SLC25A36: variants seen among roughly 807,000 people sequenced by gnomAD.
The protein encoded by SLC25A36 is epididymis secretory sperm binding protein.
A neutral mutation model predicts 35.3 loss-of-function variants in SLC25A36; 24 were observed. That is an observed-to-expected ratio of 0.68 (90% confidence interval 0.49 to 0.96). The LOEUF (loss-of-function observed/expected upper bound fraction) is 0.96, where lower values mean the gene tolerates loss of function less well. Ranked by LOEUF, SLC25A36 falls within the 40% of genes least tolerant of loss-of-function variation. The probability of loss-of-function intolerance (pLI) is 0.00; values close to 1 mark genes in which losing one functional copy is unlikely to be tolerated. For missense variants in SLC25A36, 294 were observed against 381.1 expected (o/e 0.77, Z 1.90); for synonymous variants, 141 against 132.2 (o/e 1.07, Z -0.46).
At chr3:140,955,003 C>A (rs575582907) in intron 1 of SLC25A36, among the ~76,000 whole-genome samples, 12 of 151,870 alleles carry the variant, frequency 7.9e-5, no homozygotes, top group Non-Finnish European at 1.0e-4. Context: ...TGATCCATTT[C>A]GAGTTAATTT....
chr3:140,966,389 A>G (rs921980678), intron 4 of SLC25A36: 2 of 320,830 alleles, frequency 6.2e-6, no homozygotes, highest in Non-Finnish European at 1.3e-5. Flanking sequence ...AATATTTCAT[A>G]AGTATGGATG....
chr3:140,945,156 C>CT (rs1491443764), intron 1 of SLC25A36, among the ~76,000 whole-genome samples: 5 of 152,142 alleles, frequency 3.3e-5, no homozygotes, highest in African/African-American at 7.2e-5. Context: ...ATAGAAGATA[C>CT]TCTCTTGCTG....
intron 5 of SLC25A36, among the ~76,000 whole-genome samples, chr3:140,971,991 GAAACTTGAAA>G (rs1263438716): frequency 2.0e-5 from 3 of 152,156 alleles, no homozygotes; most frequent in Non-Finnish European, 4.4e-5. Flanking sequence ...ATACTATTTG[GAAACTTGAAA>G]AGAAATATCT....
At chr3:140,950,001 T>C (rs962465911) in intron 1 of SLC25A36, among the ~76,000 whole-genome samples, 2 of 151,814 alleles carry the variant, frequency 1.3e-5, no homozygotes, top group African/African-American at 2.4e-5. Flanking sequence ...TTTTTCTTGG[T>C]TTTCAAATTA....
chr3:140,941,864 G>A lies in SLC25A36; in HGVS notation c.-191G>A, dbSNP rs907821214. 4.0e-6 allele frequency: 2 copies of A among 503,452 alleles called. No individual in the cohort carries two copies. Among genetic ancestry groups the A allele is most frequent in the Non-Finnish European group, 7.1e-6 (2 of 280,588 alleles). 31.2% of individuals were successfully genotyped at this position (503,452 alleles called of 1,614,324 possible). On this transcript the variant is annotated 5_prime_UTR_variant, in exon 1 of 7. Transcript: ENST00000324194. ...CTCTGGTGAAGGGCGGCGCGCTTAG[G>A]CAGGCGGTGGCGCGGCTGGAGTGCC...
intron 3 of SLC25A36, among the ~76,000 whole-genome samples, chr3:140,961,229 TC>T (rs1229750820): frequency 6.6e-6 from 1 of 152,154 alleles, no homozygotes; most frequent in African/African-American, 2.4e-5. Flanking sequence ...TGTATATTCT[TC>T]CAGTAATTTT....
intron 5 of SLC25A36, among the ~76,000 whole-genome samples, chr3:140,972,429 G>A (rs1934928895): frequency 1.3e-5 from 2 of 151,938 alleles, no homozygotes; most frequent in South Asian, 2.1e-4. Flanking sequence ...GAGAGGCCAG[G>A]GCAGGAGGAT....
Position 140,956,627 on chromosome 3 carries a change from C to T in SLC25A36, c.142C>T (p.Leu48=), listed in dbSNP as rs74682201. The change falls in exon 2 of 7, where the codon CTG becomes TTG. Residue 48 remains leucine, a synonymous_variant. Coordinates refer to ENST00000324194, the MANE Select transcript of SLC25A36 (RefSeq NM_001104647.3). ...GACGCTTTATATTTCTGAAGTTCAG[C>T]TGAACACCATGGCTGGAGCCAGTGT... is the stretch of plus-strand genomic sequence containing the variant. ...SVTLYISEVQ[L]NTMAGASVNR... 1,452 of 1,613,726 alleles carry T rather than the reference C, an allele frequency of 9.0e-4. 16 individuals are homozygous for T. In the East Asian group the frequency reaches 0.015, roughly 16 times the overall value.
intron 1 of SLC25A36, among the ~76,000 whole-genome samples, chr3:140,954,406 C>T (rs1934422056): frequency 6.6e-6 from 1 of 152,156 alleles, no homozygotes; most frequent in Non-Finnish European, 1.5e-5. Context: ...GGGTCAGTAC[C>T]TACAAGTGAG....
At position 140,978,524 on chromosome 3, in the gene SLC25A36, A is replaced by G. The variant is rs1935110659; in HGVS notation, c.*2071A>G. 6.6e-6 allele frequency: 1 copy of G among 152,224 alleles called. No homozygotes were observed. The highest frequency in any genetic ancestry group is 6.5e-5 in the Admixed American group (1 of 15,278). The allele number at this position is 152,224 out of a possible 1,614,324, so 9.4% of individuals were successfully genotyped here. A position where few individuals can be genotyped will look rare whatever the true frequency, so the allele number is the denominator to read the frequency against. On this transcript the variant is annotated 3_prime_UTR_variant, in exon 7 of 7. Coordinates refer to ENST00000324194, the MANE Select transcript of SLC25A36 (RefSeq NM_001104647.3). ...AATGATTAAGAATGATATGAAAACC[A>G]GCAGCTAAGGAACATCTTATTATTT...
chr3:140,975,097 C>CTTTTTAT (rs1935004764), intron 6 of SLC25A36, among the ~76,000 whole-genome samples: 1 of 55,188 alleles, frequency 1.8e-5, no homozygotes, highest in African/African-American at 6.5e-5. Context: ...AAGATACATT[C>CTTTTTAT]TTTTTTTTTT....
intron 4 of SLC25A36, among the ~76,000 whole-genome samples, chr3:140,969,551 A>T (rs905767327): frequency 1.3e-5 from 2 of 151,878 alleles, no homozygotes; most frequent in African/African-American, 4.8e-5. Context: ...TAATTGGAGC[A>T]TCCATTTGTA....
intron 1 of SLC25A36, among the ~76,000 whole-genome samples, chr3:140,943,908 T>C (rs1422122883): frequency 3.3e-5 from 5 of 152,202 alleles, no homozygotes; most frequent in African/African-American, 1.2e-4. Context: ...AGAACAGGAA[T>C]GGGAGGTGTT....
In SLC25A36 at chr3:140,963,243, A is replaced by T; in HGVS notation, c.385+16A>T. The T allele has an allele frequency of 7.0e-7, 1 of 1,421,816 alleles. No homozygotes were observed. 88.1% of individuals were successfully genotyped at this position (1,421,816 alleles called of 1,614,324 possible). On this transcript the variant is annotated intron_variant, in intron 4 of 6. Coordinates refer to ENST00000324194, the MANE Select transcript of SLC25A36 (RefSeq NM_001104647.3). ...GCAATGGCAGGTATGAATGTATAATATTAAAAAAAAAAAAAACTTTCTGAA... is the reference window on the plus strand; with the variant it reads ...GCAATGGCAGGTATGAATGTATAATTTTAAAAAAAAAAAAAACTTTCTGAA...
chr3:140,971,493 A>G (rs188078496), intron 5 of SLC25A36, among the ~76,000 whole-genome samples: 12 of 152,330 alleles, frequency 7.9e-5, no homozygotes, highest in Non-Finnish European at 1.8e-4. Context: ...CATTCATTCA[A>G]CAAATCTATA....
At chr3:140,976,216 G>A (rs781023634) in intron 6 of SLC25A36, 44 bp from the exon 7 acceptor site, 16 of 1,283,082 alleles carry the variant, frequency 1.2e-5, no homozygotes, top group Middle Eastern at 2.4e-4. Flanking sequence ...TTAGAAGAGT[G>A]TAAAGATATC....
chr3:140,946,461 CTGCTAGACTA>C lies in SLC25A36; in HGVS notation c.41+4370_41+4379del, dbSNP rs562575251. 3.7e-3 allele frequency among the ~76,000 whole-genome samples: 569 copies of C among 152,274 alleles called. 5 individuals carry two copies. The highest frequency in any genetic ancestry group is 0.013 in the African/African-American group (545 of 41,546). On this transcript the variant is annotated intron_variant, in intron 1 of 6. Coordinates refer to ENST00000324194, the MANE Select transcript of SLC25A36 (RefSeq NM_001104647.3). ...AGAATTTTTAAAGGCTAATTGGTCT[CTGCTAGACTA>C]TGCGTGGGACAGGGGCAGAAGTAGG...
chr3:140,963,241 A>T lies in SLC25A36; in HGVS notation c.385+14A>T. Reference sequence around the variant, plus strand: ...CTGCAATGGCAGGTATGAATGTATAATATTAAAAAAAAAAAAAACTTTCTG... The same window carrying T: ...CTGCAATGGCAGGTATGAATGTATATTATTAAAAAAAAAAAAAACTTTCTG... On this transcript the variant is annotated intron_variant, in intron 4 of 6. Coordinates refer to ENST00000324194, the MANE Select transcript of SLC25A36 (RefSeq NM_001104647.3). The T allele has an allele frequency of 4.7e-6, 7 of 1,475,006 alleles. No individual in the cohort carries two copies. Among genetic ancestry groups the T allele is most frequent in the Non-Finnish European group, 6.4e-6 (7 of 1,094,336 alleles). The allele number at this position is 1,475,006 out of a possible 1,614,324, so 91.4% of individuals were successfully genotyped here. A position where few individuals can be genotyped will look rare whatever the true frequency, so the allele number is the denominator to read the frequency against.
chr3:140,970,434 C>T (rs1431952269), intron 4 of SLC25A36: 1 of 152,370 alleles, frequency 6.6e-6, no homozygotes, highest in Non-Finnish European at 1.5e-5. Context: ...CAGTCTTTTC[C>T]ACTATATAAT....
Sources: allele counts gnomAD v4.1 joint callset (sites outside exome capture counted in the v4.1 genomes callset), GRCh38; gene constraint gnomAD v4.1.1; transcripts MANE v1.5; gene names NCBI Gene and HGNC (gene_info 2026-07-23, HGNC 2026-07-21).